The following CBLN2 variants were observed in gnomAD, a reference collection of about 807,000 sequenced individuals.
CBLN2 encodes cerebellin 2 precursor, also known as cerebellin-2.
CBLN2 carries 7 observed loss-of-function variants against 15.0 expected under a neutral mutation model. The ratio of observed to expected loss-of-function variants is 0.47; its 90% CI spans 0.27 to 0.88. CBLN2 has a LOEUF of 0.88. Among genes scored for constraint, CBLN2 ranks in the 40% least tolerant of loss-of-function variants. The probability of loss-of-function intolerance (pLI) is 0.14; values close to 1 mark genes in which losing one functional copy is unlikely to be tolerated. For missense variants in CBLN2, 242 were observed against 304.5 expected (o/e 0.79, Z 1.53); for synonymous variants, 149 against 135.2 (o/e 1.10, Z -0.71).
At chr18:72,558,033 T>A (rs2069237481) in intron 1 of CBLN2, among the ~76,000 whole-genome samples, 1 of 152,180 alleles carries the variant, frequency 6.6e-6, no homozygotes, top group Non-Finnish European at 1.5e-5. Flanking sequence ...ATGAAATATG[T>A]CACGGAAGGT....
chr18:72,538,637 T>C lies in CBLN2; in HGVS notation c.477+16A>G. 1 of 1,613,316 alleles carries C rather than the reference T, an allele frequency of 6.2e-7. No homozygotes were observed. The highest frequency in any genetic ancestry group is 1.1e-5 in the South Asian group (1 of 91,066). On this transcript the variant is annotated intron_variant, in intron 4 of 4. Coordinates refer to ENST00000269503, the MANE Select transcript of CBLN2 (RefSeq NM_182511.4). ...TTAACTCAAACCTGAAAGGATCCAGTTTCAAATCTACCCACCTGGATGGTT... is the reference window on the plus strand; with the variant it reads ...TTAACTCAAACCTGAAAGGATCCAGCTTCAAATCTACCCACCTGGATGGTT...
intron 1 of CBLN2, among the ~76,000 whole-genome samples, chr18:72,599,223 T>A (rs1366104111): frequency 6.6e-6 from 1 of 152,196 alleles, no homozygotes; most frequent in Non-Finnish European, 1.5e-5. Context: ...TCATTATTAA[T>A]TTTTTAATTT....
In CBLN2 at chr18:72,543,679, G is replaced by A; in HGVS notation, c.-211-149C>T. 1 of 358,694 alleles carries A rather than the reference G, an allele frequency of 2.8e-6. No individual in the cohort carries two copies. The highest frequency in any genetic ancestry group is 5.0e-6 in the Non-Finnish European group (1 of 200,570). 22.2% of individuals were successfully genotyped at this position (358,694 alleles called of 1,614,324 possible). On this transcript the variant is annotated intron_variant, in intron 1 of 4. Transcript: ENST00000269503. This position sits in a 1 kb window ranked among gnomAD's most constrained non-coding sequence, Gnocchi z 6.8. ...CCGCTTCAGGGGTGCACCACGCCCC[G>A]CGCGCCCGCTTAGGCGCCGCGCCCG...
At position 72,538,534 on chromosome 18, in the gene CBLN2, C is replaced by T. The variant is rs527304660; in HGVS notation, c.477+119G>A. 3.4e-4 allele frequency: 500 copies of T among 1,471,740 alleles called. 1 individual carries two copies. The highest frequency in any genetic ancestry group is 4.2e-4 in the Non-Finnish European group (453 of 1,068,264). 91.2% of individuals were successfully genotyped at this position (1,471,740 alleles called of 1,614,324 possible). ...ACTCCCAGCTAGTTCAGAGCCACATCACCCCCTGGACAGACCAGTACCCTG... is the reference window on the plus strand; with the variant it reads ...ACTCCCAGCTAGTTCAGAGCCACATTACCCCCTGGACAGACCAGTACCCTG... On this transcript the variant is annotated intron_variant, in intron 4 of 4. Coordinates refer to ENST00000269503, the MANE Select transcript of CBLN2 (RefSeq NM_182511.4).
intron 1 of CBLN2, among the ~76,000 whole-genome samples, chr18:72,604,352 C>A (rs1599019506): frequency 6.6e-6 from 1 of 152,100 alleles, no homozygotes; most frequent in African/African-American, 2.4e-5. Context: ...GGTTTAGATT[C>A]TCCAGTATTC....
intron 1 of CBLN2, among the ~76,000 whole-genome samples, chr18:72,615,491 G>C (rs536940015): frequency 6.6e-6 from 1 of 151,558 alleles, no homozygotes; most frequent in East Asian, 1.9e-4. Context: ...GGTCAGGCTG[G>C]TCTCAAAACT....
At chr18:72,594,698 T>C (rs2144934710) in intron 1 of CBLN2, among the ~76,000 whole-genome samples, 1 of 152,278 alleles carries the variant, frequency 6.6e-6, no homozygotes, top group African/African-American at 2.4e-5. Context: ...ACTATGGCTT[T>C]GATCACATTA....
intron 1 of CBLN2, among the ~76,000 whole-genome samples, chr18:72,600,397 C>T (rs2069540122): frequency 6.6e-6 from 1 of 152,114 alleles, no homozygotes; most frequent in South Asian, 2.1e-4. Context: ...AATCAAGAAA[C>T]ATGGAGCTCT....
chr18:72,573,175 G>T (rs904331055), intron 1 of CBLN2, among the ~76,000 whole-genome samples: 12 of 152,194 alleles, frequency 7.9e-5, no homozygotes, highest in African/African-American at 2.9e-4. Flanking sequence ...GTTAAAATCT[G>T]CTCAGATGGC....
At chr18:72,592,893 T>C (rs992867332) in intron 1 of CBLN2, among the ~76,000 whole-genome samples, 1 of 152,128 alleles carries the variant, frequency 6.6e-6, no homozygotes, top group African/African-American at 2.4e-5. Context: ...TTACAATAGC[T>C]CTGTAGTATA....
At chr18:72,588,373 T>C (rs566088514) in intron 1 of CBLN2, among the ~76,000 whole-genome samples, 37 of 152,372 alleles carry the variant, frequency 2.4e-4, no homozygotes, top group African/African-American at 8.9e-4. Context: ...TTTTCTTTTT[T>C]ATTCAGGTGA....
At chr18:72,578,933 G>A (rs2069385741) in intron 1 of CBLN2, among the ~76,000 whole-genome samples, 1 of 152,188 alleles carries the variant, frequency 6.6e-6, no homozygotes, top group Admixed American at 6.5e-5. Context: ...CAGTGACACT[G>A]TGTCGCTATC....
intron 1 of CBLN2, chr18:72,625,249 A>G (rs565306916): frequency 2.2e-4 from 34 of 152,298 alleles, no homozygotes; most frequent in African/African-American, 6.5e-4. Flanking sequence ...CGGCTGAGCC[A>G]TAACTACTTT....
intron 1 of CBLN2, among the ~76,000 whole-genome samples, chr18:72,599,264 C>A (rs1423978505): frequency 6.6e-6 from 1 of 151,998 alleles, no homozygotes; most frequent in Non-Finnish European, 1.5e-5. Context: ...CAAATTTAGT[C>A]CGTAAAGTTT....
chr18:72,604,435 C>T (rs1239691134), intron 1 of CBLN2, among the ~76,000 whole-genome samples: 1 of 152,144 alleles, frequency 6.6e-6, no homozygotes. Context: ...TGTCTATTTA[C>T]CTGACCGGCT....
intron 1 of CBLN2, among the ~76,000 whole-genome samples, chr18:72,627,239 T>A (rs2069745742): frequency 6.6e-6 from 1 of 152,188 alleles, no homozygotes; most frequent in African/African-American, 2.4e-5. Flanking sequence ...AATAAATATA[T>A]TCGGGATGCT....
rs190510003 is a variant in CBLN2, at chr18:72,626,086, A to G, written c.15+12239T>C. On this transcript the variant is annotated intron_variant, in intron 1 of 2. Coordinates refer to the CBLN2 transcript ENST00000581073. ...TAACAGAAAATATCCCTGAGGAAAGAATCTGGGATTCATTCATGGCAGCAT... is the reference window on the plus strand; with the variant it reads ...TAACAGAAAATATCCCTGAGGAAAGGATCTGGGATTCATTCATGGCAGCAT... 8.3e-3 allele frequency among the ~76,000 whole-genome samples: 1,268 copies of G among 152,044 alleles called. 11 individuals are homozygous for G. Among genetic ancestry groups the G allele is most frequent in the Non-Finnish European group, 0.014 (920 of 67,956 alleles).
Position 72,542,002 on chromosome 18 carries a change from G to A in CBLN2, c.159C>T (p.Asn53=). Residue 53 remains asparagine, a synonymous_variant, in exon 3 of 5, where the codon AAC becomes AAT. Transcript: ENST00000269503. ...LPACCPVRAQ[N]DTEPIVLEGK... is the part of the protein sequence containing the mutation. The stretch of plus-strand genomic sequence containing the variant: ...CCTCCAGCACGATGGGCTCCGTGTC[G>A]TTCTGCGCCCGCACGGGGCAGCAGG... 1.9e-6 allele frequency: 3 copies of A among 1,601,970 alleles called. No homozygotes were observed. The highest frequency in any genetic ancestry group is 2.5e-6 in the Non-Finnish European group (3 of 1,178,800).
At chr18:72,612,094 T>C (rs1276971042) in intron 1 of CBLN2, among the ~76,000 whole-genome samples, 1 of 152,122 alleles carries the variant, frequency 6.6e-6, no homozygotes, top group East Asian at 1.9e-4. Flanking sequence ...TGTTGCATTG[T>C]TATATGTGTC....
Sources: gnomAD v4.1 joint callset for allele counts (sites outside exome capture counted in the v4.1 genomes callset) on GRCh38, gnomAD v4.1.1 for gene constraint, Gnocchi (gnomAD v3.1) non-coding constraint, MANE v1.5 for transcripts, NCBI Gene and HGNC (gene_info 2026-07-23, HGNC 2026-07-21) for gene names.